CLVS1: variants seen among roughly 807,000 people sequenced by gnomAD.
CLVS1 encodes clavesin 1.
Under a neutral mutation model 33.1 loss-of-function variants are expected in CLVS1, and 10 were observed. The ratio of observed to expected loss-of-function variants is 0.30; its 90% confidence interval spans 0.19 to 0.51. The LOEUF is 0.51. CLVS1 is among the 20% of genes least tolerant of loss of function. CLVS1 has a pLI of 0.97. For missense variants in CLVS1, 343 were observed against 433.4 expected (o/e 0.79, Z 1.85); for synonymous variants, 163 against 166.1 (o/e 0.98, Z 0.14).
chr8:61,139,895 C>T (rs995853331), intron 2 of CLVS1, among the ~76,000 whole-genome samples: 9 of 152,160 alleles, frequency 5.9e-5, no homozygotes, highest in African/African-American at 2.2e-4. Flanking sequence ...GTCCTGGATC[C>T]TCTCTATTTG....
At chr8:61,172,967 G>A (rs1406954184) in intron 2 of CLVS1, among the ~76,000 whole-genome samples, 1 of 152,138 alleles carries the variant, frequency 6.6e-6, no homozygotes, top group South Asian at 2.1e-4. Flanking sequence ...AAGTTACATG[G>A]GTTTATCTTC....
At chr8:61,365,578 G>A (rs531343065) in intron 2 of CLVS1, among the ~76,000 whole-genome samples, 122 of 152,182 alleles carry the variant, frequency 8.0e-4, no homozygotes, top group African/African-American at 2.8e-3. Context: ...GGAAGTAGGA[G>A]TAATGTGACC....
intron 2 of CLVS1, among the ~76,000 whole-genome samples, chr8:61,234,605 G>T (rs1301426364): frequency 6.6e-6 from 1 of 152,052 alleles, no homozygotes; most frequent in Non-Finnish European, 1.5e-5. Context: ...AGGAGATGAG[G>T]GAATTGGATT....
intron 1 of CLVS1, among the ~76,000 whole-genome samples, chr8:61,104,036 G>T (rs902574780): frequency 1.2e-4 from 19 of 152,116 alleles, no homozygotes; most frequent in African/African-American, 3.9e-4. Context: ...TTTATCTGTT[G>T]TTCACTTTGC....
At position 61,299,943 on chromosome 8, in the gene CLVS1, G is replaced by A. The variant is rs187032551; in HGVS notation, c.116G>A (p.Arg39His). 458 of 1,613,972 alleles carry A rather than the reference G, an allele frequency of 2.8e-4. No homozygotes were observed. The highest frequency in any genetic ancestry group is 4.9e-4 in the East Asian group (22 of 44,882). Residue 39 changes from arginine to histidine, a missense_variant, in exon 2 of 6, where the codon CGC (arginine) becomes CAC (histidine). Physicochemically the swap from Arg to His is conservative, Grantham distance 29. Coordinates refer to ENST00000325897, the MANE Select transcript of CLVS1 (RefSeq NM_173519.3). ...GLSPETIEKARLELNENPDVL... is the reference protein window; with the variant it reads ...GLSPETIEKAHLELNENPDVL... The stretch of plus-strand genomic sequence containing the variant: ...AGTCCAGAGACTATAGAGAAAGCTC[G>A]CCTGGAACTGAATGAAAACCCCGAT...
intron 2 of CLVS1, among the ~76,000 whole-genome samples, chr8:61,219,002 G>T (rs956736401): frequency 2.0e-5 from 3 of 152,098 alleles, no homozygotes; most frequent in African/African-American, 4.8e-5. Flanking sequence ...TTGTTGGGAG[G>T]AGATGAAGGT....
At chr8:61,202,888 T>C in intron 2 of CLVS1, 1 of 799,442 alleles carries the variant, frequency 1.3e-6, no homozygotes, top group Non-Finnish European at 2.0e-6. Flanking sequence ...TGATGATGAT[T>C]TTAATGAGGA....
intron 3 of CLVS1, among the ~76,000 whole-genome samples, chr8:61,423,895 T>A (rs10088453): frequency 0.056 from 8,602 of 152,260 alleles, 623 homozygotes; most frequent in African/African-American, 0.17. Context: ...GAGAATAATA[T>A]TTTTCTGTAT....
At chr8:61,122,398 T>C (rs908292594) in intron 1 of CLVS1, among the ~76,000 whole-genome samples, 6 of 152,116 alleles carry the variant, frequency 3.9e-5, no homozygotes, top group African/African-American at 1.4e-4. Context: ...TCAGATTATT[T>C]CCAGGTACTC....
At chr8:61,468,372 G>A (rs976331882) in intron 5 of CLVS1, among the ~76,000 whole-genome samples, 1 of 152,156 alleles carries the variant, frequency 6.6e-6, no homozygotes, top group Non-Finnish European at 1.5e-5. Context: ...TTTAAAAAAT[G>A]TTTGTTTGTT....
intron 3 of CLVS1, among the ~76,000 whole-genome samples, chr8:61,451,921 C>G (rs978539754): frequency 6.6e-6 from 1 of 151,898 alleles, no homozygotes; most frequent in African/African-American, 2.4e-5. Context: ...AGACAGAAGG[C>G]CTTTCATGTG....
At chr8:61,191,483 C>T (rs1308145329) in intron 2 of CLVS1, among the ~76,000 whole-genome samples, 1 of 152,196 alleles carries the variant, frequency 6.6e-6, no homozygotes, top group African/African-American at 2.4e-5. Context: ...GATGTGCTCT[C>T]TCACAACTCC....
At chr8:61,348,941 T>TGTG (rs1812339058) in intron 2 of CLVS1, among the ~76,000 whole-genome samples, 1 of 152,190 alleles carries the variant, frequency 6.6e-6, no homozygotes, top group African/African-American at 2.4e-5. Context: ...AATATTACAT[T>TGTG]GTGGTTTTAA....
intron 4 of CLVS1, among the ~76,000 whole-genome samples, chr8:61,456,304 G>A (rs1325329898): frequency 6.6e-6 from 1 of 152,050 alleles, no homozygotes. Flanking sequence ...GGGTACAAAT[G>A]TTTTCTCTAA....
intron 2 of CLVS1, among the ~76,000 whole-genome samples, chr8:61,235,041 C>G (rs1808526714): frequency 6.6e-6 from 1 of 152,186 alleles, no homozygotes; most frequent in Non-Finnish European, 1.5e-5. Context: ...CTAACTGCAG[C>G]TCACAGACGA....
intron 2 of CLVS1, among the ~76,000 whole-genome samples, chr8:61,232,022 G>GTTTTTTTTTT (rs376185436): frequency 2.1e-4 from 25 of 117,068 alleles, no homozygotes; most frequent in East Asian, 1.1e-3. Flanking sequence ...GGAAAGTTGT[G>GTTTTTTTTTT]GTTTTTTTTT....
chr8:61,117,539 A>G, intron 1 of CLVS1, among the ~76,000 whole-genome samples: 2 of 149,642 alleles, frequency 1.3e-5, no homozygotes, highest in African/African-American at 2.5e-5. Flanking sequence ...ATTTTGAAAT[A>G]CATCCCATCA....
the CLVS1 span, among the ~76,000 whole-genome samples, chr8:60,985,599 T>A: frequency 2.6e-5 from 4 of 152,104 alleles, no homozygotes; most frequent in Non-Finnish European, 5.9e-5. Flanking sequence ...AGAGTAATAA[T>A]AAAAAACCCA....
At chr8:61,389,240 A>G (rs946934238) in intron 3 of CLVS1, among the ~76,000 whole-genome samples, 2 of 152,212 alleles carry the variant, frequency 1.3e-5, no homozygotes, top group Non-Finnish European at 2.9e-5. Flanking sequence ...GCATATAGAC[A>G]ATATCAAGAA....
Sources: allele counts gnomAD v4.1 joint callset (sites outside exome capture counted in the v4.1 genomes callset), GRCh38; gene constraint gnomAD v4.1.1; transcripts MANE v1.5; gene names NCBI Gene and HGNC (gene_info 2026-07-23, HGNC 2026-07-21).